Variants in CDKAL1 observed in about 807,000 individuals in gnomAD.
CDKAL1 encodes the protein CDKAL1 threonylcarbamoyladenosine tRNA methylthiotransferase.
A neutral mutation model predicts 68.2 loss-of-function variants in CDKAL1; 32 were observed. The observed-to-expected ratio is 0.47, with a 90% CI of 0.35 to 0.63. The LOEUF (loss-of-function observed/expected upper bound fraction) is 0.63. CDKAL1 is among the 30% of genes least tolerant of loss of function. The probability of loss-of-function intolerance (pLI) is 0.00; values close to 1 mark genes in which losing one functional copy is unlikely to be tolerated. For missense variants in CDKAL1, 606 were observed against 696.7 expected (o/e 0.87, Z 1.47); for synonymous variants, 234 against 244.3 (o/e 0.96, Z 0.39).
At chr6:20,747,463 TTC>T (rs1191412510) in intron 6 of CDKAL1, among the ~76,000 whole-genome samples, 4 of 152,138 alleles carry the variant, frequency 2.6e-5, no homozygotes, top group Non-Finnish European at 2.9e-5. Context: ...TGCATAACGG[TTC>T]TCTCTTCTCT....
At chr6:21,208,311 A>G (rs1214770552) in intron 15 of CDKAL1, among the ~76,000 whole-genome samples, 4 of 152,186 alleles carry the variant, frequency 2.6e-5, no homozygotes, top group African/African-American at 7.2e-5. Flanking sequence ...AAACTATACT[A>G]TATTCTCAGA....
chr6:21,205,869 C>T (rs182532734), intron 15 of CDKAL1, among the ~76,000 whole-genome samples: 1,369 of 111,734 alleles, frequency 0.012, 28 homozygotes, highest in African/African-American at 0.046. Flanking sequence ...GAGTCTTGCT[C>T]TGTCGCCCAG....
chr6:20,773,282 C>T (rs1775023086), intron 7 of CDKAL1, among the ~76,000 whole-genome samples: 1 of 152,038 alleles, frequency 6.6e-6, no homozygotes, highest in Non-Finnish European at 1.5e-5. Context: ...GAATACCTAC[C>T]TTTTTTTCTT....
chr6:21,117,355 T>C (rs1030890568), intron 13 of CDKAL1, among the ~76,000 whole-genome samples: 3 of 151,928 alleles, frequency 2.0e-5, no homozygotes, highest in Non-Finnish European at 4.4e-5. Flanking sequence ...ATCCATTCAT[T>C]GCAGAGCACA....
intron 8 of CDKAL1, among the ~76,000 whole-genome samples, chr6:20,787,326 TTA>T (rs1476327116): frequency 6.6e-6 from 1 of 152,220 alleles, no homozygotes; most frequent in African/African-American, 2.4e-5. Context: ...TTTTTACACT[TTA>T]TGTCTGTAAT....
At position 20,669,281 on chromosome 6, in the gene CDKAL1, A is replaced by G. The variant is rs535404408; in HGVS notation, c.371+19904A>G. Among the ~76,000 whole-genome samples the G allele has an allele frequency of 4.1e-4, 62 of 152,132 alleles. 2 individuals carry two copies. The highest frequency in any genetic ancestry group is 6.3e-3 in the Middle Eastern group (2 of 316). On this transcript the variant is annotated intron_variant, in intron 5 of 15. Transcript: ENST00000274695. The stretch of plus-strand genomic sequence containing the variant: ...ATCAAGTGGTGATTTTTCTCTTTCC[A>G]TCATGTCTTCTCCACTTATTAATTT...
rs114366064 is a variant in CDKAL1, at chr6:20,741,129, G to A, written c.468+1514G>A. Among the ~76,000 whole-genome samples, 1,202 of 152,170 alleles carry A rather than the reference G, an allele frequency of 7.9e-3. 6 individuals are homozygous for A. Among genetic ancestry groups the A allele is most frequent in the Middle Eastern group, 0.031 (9 of 292 alleles). ...GTGTGCCGGGAAAAGCGTATGTTAG[G>A]ATGTACAGGAGATTCTCCAGATGCA... On this transcript the variant is annotated intron_variant, in intron 6 of 15. Transcript: ENST00000274695.
At chr6:21,142,199 C>G (rs73383768) in intron 13 of CDKAL1, among the ~76,000 whole-genome samples, 2,969 of 152,078 alleles carry the variant, frequency 0.02, 91 homozygotes, top group African/African-American at 0.066. Context: ...TCCTTTTCTC[C>G]CCTCTTGGCA....
intron 13 of CDKAL1, among the ~76,000 whole-genome samples, chr6:21,141,848 A>T (rs370280912): frequency 6.6e-6 from 1 of 152,338 alleles, no homozygotes; most frequent in East Asian, 1.9e-4. Context: ...GTCCACAAAC[A>T]TATTGACCCA....
chr6:20,691,127 C>T (rs1770851785), intron 5 of CDKAL1, among the ~76,000 whole-genome samples: 1 of 152,186 alleles, frequency 6.6e-6, no homozygotes, highest in Non-Finnish European at 1.5e-5. Context: ...CCCACAAACA[C>T]CCCGCAGGAG....
At chr6:21,064,153 A>G (rs574534382) in intron 11 of CDKAL1, among the ~76,000 whole-genome samples, 1 of 152,328 alleles carries the variant, frequency 6.6e-6, no homozygotes, top group East Asian at 1.9e-4. Flanking sequence ...ACACAACCAA[A>G]TGTCGGTCAG....
At chr6:20,954,092 A>C (rs1764666045) in intron 9 of CDKAL1, among the ~76,000 whole-genome samples, 2 of 152,146 alleles carry the variant, frequency 1.3e-5, no homozygotes, top group South Asian at 4.1e-4. Flanking sequence ...GGCAGGAAAA[A>C]GTGAAAATGT....
intron 4 of CDKAL1, among the ~76,000 whole-genome samples, chr6:20,624,420 C>T (rs1767336001): frequency 6.6e-6 from 1 of 151,798 alleles, no homozygotes; most frequent in African/African-American, 2.4e-5. Flanking sequence ...CCTGAGGATG[C>T]TTCTTGTATC....
intron 12 of CDKAL1, among the ~76,000 whole-genome samples, chr6:21,087,060 C>T (rs1772731868): frequency 6.6e-6 from 1 of 152,126 alleles, no homozygotes; most frequent in African/African-American, 2.4e-5. Flanking sequence ...ATCCACCCTT[C>T]CATTAATTTA....
chr6:20,544,377 C>T (rs575094652), intron 2 of CDKAL1, among the ~76,000 whole-genome samples: 85 of 151,510 alleles, frequency 5.6e-4, no homozygotes, highest in African/African-American at 1.9e-3. Context: ...ACGGGCGGAT[C>T]GCGAGGTCAG....
chr6:21,060,965 AG>A (rs1233228984), intron 11 of CDKAL1, among the ~76,000 whole-genome samples: 3 of 152,178 alleles, frequency 2.0e-5, no homozygotes, highest in African/African-American at 4.8e-5. Flanking sequence ...TATTGATCTA[AG>A]GAATGAAGTA....
intron 4 of CDKAL1, among the ~76,000 whole-genome samples, chr6:20,622,363 T>TA (rs1485272970): frequency 6.6e-6 from 1 of 152,120 alleles, no homozygotes; most frequent in African/African-American, 2.4e-5. Context: ...AAAATTGTAT[T>TA]AAAAAAACTA....
intron 11 of CDKAL1, among the ~76,000 whole-genome samples, chr6:21,012,351 T>G (rs548931092): frequency 6.6e-6 from 1 of 152,246 alleles, no homozygotes; most frequent in African/African-American, 2.4e-5. Flanking sequence ...TCACCATTTG[T>G]CCATTCTTCT....
chr6:20,754,023 A>G (rs370008685), intron 6 of CDKAL1, among the ~76,000 whole-genome samples: 2 of 151,690 alleles, frequency 1.3e-5, no homozygotes, highest in Admixed American at 1.3e-4. Context: ...TCTGTCACCT[A>G]CGCTGGAGTC....
Sources: gnomAD v4.1 joint callset for allele counts (sites outside exome capture counted in the v4.1 genomes callset) on GRCh38, gnomAD v4.1.1 for gene constraint, MANE v1.5 for transcripts, NCBI Gene and HGNC (gene_info 2026-07-23, HGNC 2026-07-21) for gene names.